ATP9A: variants seen among roughly 807,000 people sequenced by gnomAD.
ATP9A encodes probable phospholipid-transporting ATPase IIA.
In ATP9A, 52 loss-of-function variants were observed where a neutral mutation model predicts 144.1. The observed-to-expected ratio is 0.36, with a 90% CI of 0.29 to 0.45. The LOEUF (loss-of-function observed/expected upper bound fraction) is 0.45, where lower values mean the gene tolerates loss of function less well. Among genes scored for constraint, ATP9A ranks in the 20% least tolerant of loss-of-function variants. The probability of loss-of-function intolerance (pLI) is 1.00; values close to 1 mark genes in which losing one functional copy is unlikely to be tolerated. For synonymous variants in ATP9A, 582 were observed against 557.4 expected, an observed-to-expected ratio of 1.04 and a Z score of -0.62; for missense variants, 947 against 1,392.7, an observed-to-expected ratio of 0.68 and a Z score of 5.09.
At chr20:51,627,148 A>G (rs2077252478) in intron 17 of ATP9A, among the ~76,000 whole-genome samples, 1 of 148,128 alleles carries the variant, frequency 6.8e-6, no homozygotes, top group African/African-American at 2.5e-5. Context: ...TTTATTCCCG[A>G]AAGGAGATGG....
At position 51,611,961 on chromosome 20, in the gene ATP9A, C is replaced by A. The variant is rs888551830; in HGVS notation, c.2571+1716G>T. 1.3e-5 allele frequency among the ~76,000 whole-genome samples: 2 copies of A among 152,190 alleles called. No homozygotes were observed. Among genetic ancestry groups the A allele is most frequent in the African/African-American group, 4.8e-5 (2 of 41,446 alleles). On this transcript the variant is annotated intron_variant, in intron 23 of 27. Coordinates refer to ENST00000338821, the MANE Select transcript of ATP9A (RefSeq NM_006045.3). This position sits in a 1 kb window ranked among gnomAD's most constrained non-coding sequence, Gnocchi z 4.2. ...TTCTCATGTACCCAAAGCAGCACTA[C>A]CTGATACATTGTACAAGGCAGACCG...
At chr20:51,732,022 C>A (rs1463230728) in intron 1 of ATP9A, among the ~76,000 whole-genome samples, 1 of 152,124 alleles carries the variant, frequency 6.6e-6, no homozygotes, top group Non-Finnish European at 1.5e-5. Flanking sequence ...CAGCTGTCGG[C>A]AGAACGACCC....
At chr20:51,749,948 C>T (rs2077824385) in intron 1 of ATP9A, among the ~76,000 whole-genome samples, 1 of 151,974 alleles carries the variant, frequency 6.6e-6, no homozygotes, top group South Asian at 2.1e-4. Context: ...TGAGACCAGC[C>T]TGGGCAACAT....
In ATP9A at chr20:51,671,728, C is replaced by T. The variant is rs147411463; in HGVS notation, c.1038-471G>A. On this transcript the variant is annotated intron_variant, in intron 11 of 27. Transcript: ENST00000338821. ...ATTCCACACCCATTCAACAATAACGCCCCATCCCCCACCAACCCTAGCCCT... is the reference window on the plus strand; with the variant it reads ...ATTCCACACCCATTCAACAATAACGTCCCATCCCCCACCAACCCTAGCCCT... Among the ~76,000 whole-genome samples, 323 of 152,224 alleles carry T rather than the reference C, an allele frequency of 2.1e-3. 2 individuals carry two copies. Among genetic ancestry groups the T allele is most frequent in the African/African-American group, 7.4e-3 (307 of 41,554 alleles).
intron 2 of ATP9A, among the ~76,000 whole-genome samples, chr20:51,729,264 T>C (rs183377529): frequency 6.6e-6 from 1 of 152,258 alleles, no homozygotes; most frequent in Admixed American, 6.6e-5. Context: ...GCACACCAAA[T>C]ACATGTGAAG....
chr20:51,627,048 ACT>A (rs1321460081), intron 17 of ATP9A, among the ~76,000 whole-genome samples: 1 of 133,264 alleles, frequency 7.5e-6, no homozygotes, highest in Non-Finnish European at 1.6e-5. Flanking sequence ...CAAGAGCGAA[ACT>A]CTGTCTCAAA....
In ATP9A at chr20:51,757,270, G is replaced by A. The variant is rs1228877525; in HGVS notation, c.68+11032C>T. Among the ~76,000 whole-genome samples, 5 of 152,114 alleles carry A rather than the reference G, an allele frequency of 3.3e-5. No individual in the cohort carries two copies. The South Asian group carries it at 8.3e-4, about 25-fold the overall frequency. On this transcript the variant is annotated intron_variant, in intron 1 of 27. Transcript: ENST00000338821. Reference sequence around the variant, plus strand: ...TGACCTTAAGTGAGCCACCCACCTCGGCCTCCCAAAGTGCTGGGATTACAA... The same window carrying A: ...TGACCTTAAGTGAGCCACCCACCTCAGCCTCCCAAAGTGCTGGGATTACAA...
At chr20:51,746,478 C>T (rs1225953653) in intron 1 of ATP9A, among the ~76,000 whole-genome samples, 3 of 152,152 alleles carry the variant, frequency 2.0e-5, no homozygotes, top group Non-Finnish European at 4.4e-5. Context: ...GCAGGCGGAT[C>T]ACCTGAGGTC....
At chr20:51,742,249 C>G (rs751034982) in intron 1 of ATP9A, among the ~76,000 whole-genome samples, 1 of 150,364 alleles carries the variant, frequency 6.7e-6, no homozygotes, top group Non-Finnish European at 1.5e-5. Flanking sequence ...TGCTTGAGCC[C>G]GGGAAGTCGA....
intron 13 of ATP9A, 90 bp from the exon 14 acceptor site, chr20:51,657,240 T>C (rs2077390991): frequency 9.3e-7 from 1 of 1,077,150 alleles, no homozygotes; most frequent in Non-Finnish European, 1.4e-6. Flanking sequence ...TTGTTTCTTT[T>C]TTCTACTGTT....
intron 1 of ATP9A, among the ~76,000 whole-genome samples, chr20:51,750,821 A>G (rs1041396817): frequency 6.6e-6 from 1 of 152,138 alleles, no homozygotes; most frequent in Non-Finnish European, 1.5e-5. Context: ...AATTGTCTAG[A>G]TGGCAACCTA....
intron 9 of ATP9A, among the ~76,000 whole-genome samples, chr20:51,676,508 T>C (rs2077477854): frequency 6.6e-6 from 1 of 152,142 alleles, no homozygotes; most frequent in African/African-American, 2.4e-5. Flanking sequence ...GGCGGAGTTT[T>C]ACTCTTGTTC....
Position 51,615,471 on chromosome 20 carries a change from T to A in ATP9A, c.2416-1639A>T, listed in dbSNP as rs562209382. 2.6e-5 allele frequency among the ~76,000 whole-genome samples: 4 copies of A among 152,212 alleles called. No homozygotes were observed. The South Asian group carries it at 8.3e-4, about 32-fold the overall frequency. ...TGTGTTTTCAATTTAAAAAAATACA[T>A]GAAAATTACATATATATACATGTGT... On this transcript the variant is annotated intron_variant, in intron 22 of 27. Transcript: ENST00000338821.
intron 15 of ATP9A, among the ~76,000 whole-genome samples, chr20:51,634,284 T>C (rs189399043): frequency 6.6e-6 from 1 of 152,292 alleles, no homozygotes; most frequent in Admixed American, 6.5e-5. Flanking sequence ...AACTTCAGAC[T>C]GGAACAAAAT....
At chr20:51,705,829 C>G (rs1251254652) in intron 4 of ATP9A, among the ~76,000 whole-genome samples, 3 of 152,234 alleles carry the variant, frequency 2.0e-5, no homozygotes, top group African/African-American at 7.2e-5. Flanking sequence ...ACCCAATTCT[C>G]TTGAGTAACA....
chr20:51,692,755 T>A (rs1324278848), intron 7 of ATP9A, among the ~76,000 whole-genome samples: 1 of 152,080 alleles, frequency 6.6e-6, no homozygotes. Context: ...TGAGCCAAGA[T>A]CATGCCACTG....
At chr20:51,612,386 T>G (rs1183833315) in intron 23 of ATP9A, among the ~76,000 whole-genome samples, 4 of 152,210 alleles carry the variant, frequency 2.6e-5, no homozygotes, top group Admixed American at 2.6e-4. Context: ...TTGGCCTCCT[T>G]TCTACTCCAC....
chr20:51,677,585 C>T (rs1348136356), intron 9 of ATP9A, among the ~76,000 whole-genome samples: 1 of 152,128 alleles, frequency 6.6e-6, no homozygotes, highest in African/African-American at 2.4e-5. Flanking sequence ...CTAGAACATT[C>T]CTACCTTCAT....
At chr20:51,610,768 G>C (rs1225894111) in intron 23 of ATP9A, among the ~76,000 whole-genome samples, 1 of 152,186 alleles carries the variant, frequency 6.6e-6, no homozygotes, top group Non-Finnish European at 1.5e-5. Flanking sequence ...AAGAGCCTCT[G>C]AAGTGTCTAC....
Sources: allele counts gnomAD v4.1 joint callset (sites outside exome capture counted in the v4.1 genomes callset), GRCh38; gene constraint gnomAD v4.1.1; non-coding constraint Gnocchi (gnomAD v3.1); transcripts MANE v1.5; gene names NCBI Gene and HGNC (gene_info 2026-07-23, HGNC 2026-07-21).